PTPRM: variants seen among roughly 807,000 people sequenced by gnomAD.
PTPRM encodes protein tyrosine phosphatase receptor type M.
In PTPRM, 47 loss-of-function variants were observed where a neutral mutation model predicts 186.7. The ratio of observed to expected loss-of-function variants is 0.25; its 90% CI spans 0.20 to 0.32. PTPRM has a LOEUF of 0.32. Ranked by LOEUF, PTPRM falls within the 10% of genes least tolerant of loss-of-function variation. PTPRM has a pLI of 1.00. For synonymous variants in PTPRM, 668 were observed against 674.9 expected (o/e 0.99, Z 0.16); for missense variants, 1,494 against 1,865.0 (o/e 0.80, Z 3.66).
chr18:8,214,092 G>C (rs1246572764), intron 14 of PTPRM, among the ~76,000 whole-genome samples: 1 of 152,108 alleles, frequency 6.6e-6, no homozygotes, highest in East Asian at 1.9e-4. Context: ...TGGTATAATG[G>C]ACATTGGAGA....
intron 1 of PTPRM, among the ~76,000 whole-genome samples, chr18:7,705,142 C>T (rs2040049653): frequency 1.3e-5 from 2 of 151,966 alleles, no homozygotes; most frequent in South Asian, 4.1e-4. Context: ...AATTTTTTAA[C>T]ATGTCATTTG....
At chr18:8,127,743 ATCATTCAT>A (rs369335875) in intron 13 of PTPRM, among the ~76,000 whole-genome samples, 5 of 152,212 alleles carry the variant, frequency 3.3e-5, no homozygotes, top group East Asian at 1.9e-4. Context: ...TAGAGAAGCT[ATCATTCAT>A]TCATTCATTC....
Position 7,875,559 on chromosome 18 carries a change from C to T in PTPRM, c.197-12547C>T, listed in dbSNP as rs536515910. On this transcript the variant is annotated intron_variant, in intron 2 of 32. Coordinates refer to ENST00000580170, the MANE Select transcript of PTPRM (RefSeq NM_001105244.2). ...CAGGCTGGTCTCAAACTCCTGACCTCGTGATCTGCCTGCCTCGACTTCCCA... is the reference window on the plus strand; with the variant it reads ...CAGGCTGGTCTCAAACTCCTGACCTTGTGATCTGCCTGCCTCGACTTCCCA... Among the ~76,000 whole-genome samples, 8 of 152,188 alleles carry T rather than the reference C, an allele frequency of 5.3e-5. No homozygotes were observed. The South Asian group carries it at 1.2e-3, about 24-fold the overall frequency.
intron 1 of PTPRM, among the ~76,000 whole-genome samples, chr18:7,645,325 T>C (rs2038535697): frequency 6.6e-6 from 1 of 152,234 alleles, no homozygotes; most frequent in Non-Finnish European, 1.5e-5. Context: ...GGTTTAATCA[T>C]CTTTCCATTT....
At chr18:8,066,566 G>A (rs947096730) in intron 7 of PTPRM, among the ~76,000 whole-genome samples, 6 of 152,094 alleles carry the variant, frequency 3.9e-5, no homozygotes, top group African/African-American at 9.7e-5. Flanking sequence ...ACCCTGCCAC[G>A]TTGATAGCAA....
intron 14 of PTPRM, among the ~76,000 whole-genome samples, chr18:8,180,272 A>G (rs529101737): frequency 9.2e-5 from 14 of 152,388 alleles, no homozygotes; most frequent in African/African-American, 3.4e-4. Context: ...CAAGTCATGC[A>G]GCACCAAAGT....
chr18:8,095,381 GAGAC>G (rs1266172435), intron 11 of PTPRM, among the ~76,000 whole-genome samples: 1 of 152,124 alleles, frequency 6.6e-6, no homozygotes, highest in East Asian at 1.9e-4. Context: ...AAAAATGAGA[GAGAC>G]AGGTTGGCTC....
chr18:8,078,569 G>C (rs2089957339), intron 9 of PTPRM, among the ~76,000 whole-genome samples: 1 of 152,200 alleles, frequency 6.6e-6, no homozygotes, highest in East Asian at 1.9e-4. Context: ...CAGCACACAG[G>C]ATAATTTTTG....
chr18:7,747,875 A>G (rs4798592), intron 1 of PTPRM, among the ~76,000 whole-genome samples: 58,595 of 151,998 alleles, frequency 0.39, 13,242 homozygotes, highest in East Asian at 0.86. Flanking sequence ...GACCCATAAC[A>G]TTTGGCATTT....
At chr18:7,584,551 A>G (rs2036927229) in intron 1 of PTPRM, among the ~76,000 whole-genome samples, 1 of 151,942 alleles carries the variant, frequency 6.6e-6, no homozygotes, top group Non-Finnish European at 1.5e-5. Flanking sequence ...TCAGTGAGAA[A>G]TTGTGATTGT....
At chr18:8,018,287 T>G (rs1197808233) in intron 7 of PTPRM, among the ~76,000 whole-genome samples, 1 of 152,158 alleles carries the variant, frequency 6.6e-6, no homozygotes, top group African/African-American at 2.4e-5. Context: ...AGAGTTCATA[T>G]CTAAACAATA....
At chr18:7,659,574 T>C (rs2038932479) in intron 1 of PTPRM, among the ~76,000 whole-genome samples, 1 of 152,202 alleles carries the variant, frequency 6.6e-6, no homozygotes, top group African/African-American at 2.4e-5. Context: ...CAGCACCTAC[T>C]ACAGTGCTTG....
chr18:7,890,953 T>C (rs550433120), intron 3 of PTPRM, among the ~76,000 whole-genome samples: 436 of 152,224 alleles, frequency 2.9e-3, no homozygotes, highest in Middle Eastern at 6.8e-3. Flanking sequence ...TAATAAAGAC[T>C]GAAATATATC....
chr18:8,137,280 T>C (rs2092658920), intron 13 of PTPRM, among the ~76,000 whole-genome samples: 1 of 152,118 alleles, frequency 6.6e-6, no homozygotes. Flanking sequence ...ACCTTTTGCA[T>C]GTGGTGTGAA....
chr18:7,980,866 C>G (rs570165552), intron 7 of PTPRM, among the ~76,000 whole-genome samples: 2 of 152,064 alleles, frequency 1.3e-5, no homozygotes, highest in Non-Finnish European at 2.9e-5. Flanking sequence ...ATCTGTCTCC[C>G]TCCACTGGAG....
At chr18:7,688,420 T>C (rs1178409675) in intron 1 of PTPRM, among the ~76,000 whole-genome samples, 3 of 152,202 alleles carry the variant, frequency 2.0e-5, no homozygotes, top group African/African-American at 7.2e-5. Flanking sequence ...CACAAGATGG[T>C]CCTTCCAGAA....
At chr18:7,831,703 G>C (rs969046349) in intron 2 of PTPRM, among the ~76,000 whole-genome samples, 1 of 152,004 alleles carries the variant, frequency 6.6e-6, no homozygotes, top group African/African-American at 2.4e-5. Context: ...TCAAATACTA[G>C]GTCTTATTCA....
At chr18:7,718,690 T>C (rs188637975) in intron 1 of PTPRM, among the ~76,000 whole-genome samples, 30 of 152,306 alleles carry the variant, frequency 2.0e-4, no homozygotes, top group African/African-American at 5.8e-4. Flanking sequence ...ATCCAGAATC[T>C]ACAAGGAACT....
At chr18:7,688,562 A>T (rs1440146831) in intron 1 of PTPRM, among the ~76,000 whole-genome samples, 2 of 152,152 alleles carry the variant, frequency 1.3e-5, no homozygotes, top group Non-Finnish European at 2.9e-5. Flanking sequence ...ACCCCAGATG[A>T]TGGCCTTCAG....
Sources: allele counts gnomAD v4.1 joint callset (sites outside exome capture counted in the v4.1 genomes callset), GRCh38; gene constraint gnomAD v4.1.1; transcripts MANE v1.5; gene names NCBI Gene and HGNC (gene_info 2026-07-23, HGNC 2026-07-21).